TCF7L2: variants seen among roughly 807,000 people sequenced by gnomAD.
The protein encoded by TCF7L2 is transcription factor 7 like 2.
A neutral mutation model predicts 77.9 loss-of-function variants in TCF7L2; 23 were observed. The ratio of observed to expected loss-of-function variants is 0.30; its 90% confidence interval spans 0.21 to 0.42. The LOEUF is 0.42. Among genes scored for constraint, TCF7L2 ranks in the 10% least tolerant of loss-of-function variants. The probability of loss-of-function intolerance (pLI) is 1.00; values close to 1 mark genes in which losing one functional copy is unlikely to be tolerated. For missense variants in TCF7L2, 654 were observed against 793.1 expected, an observed-to-expected ratio of 0.82 and a Z score of 2.11; for synonymous variants, 413 against 340.2, an observed-to-expected ratio of 1.21 and a Z score of -2.36.
At chr10:113,150,320 CTT>C (rs57919765) in intron 8 of TCF7L2, among the ~76,000 whole-genome samples, 5 of 144,520 alleles carry the variant, frequency 3.5e-5, no homozygotes, top group African/African-American at 5.1e-5. Flanking sequence ...CTTTCCTTTC[CTT>C]TTTTTTTTTG....
At chr10:113,098,071 A>AAGAAG (rs1555051227) in intron 5 of TCF7L2, among the ~76,000 whole-genome samples, 2 of 150,010 alleles carry the variant, frequency 1.3e-5, no homozygotes, top group African/African-American at 4.9e-5. Context: ...AAAAAAAAAA[A>AAGAAG]AAGAAGAAGA....
intron 4 of TCF7L2, among the ~76,000 whole-genome samples, chr10:113,020,365 C>T (rs1317234595): frequency 6.6e-6 from 1 of 152,166 alleles, no homozygotes; most frequent in Non-Finnish European, 1.5e-5. Context: ...TCCCCCTCTC[C>T]TCACCCCGTG....
chr10:113,163,979 C>T (rs746357863), intron 13 of TCF7L2, among the ~76,000 whole-genome samples: 3 of 152,218 alleles, frequency 2.0e-5, no homozygotes, highest in Non-Finnish European at 4.4e-5. Flanking sequence ...CAGTGGTTGC[C>T]TTCAAGCAGG....
chr10:113,026,130 C>T (rs1048581490), intron 4 of TCF7L2, among the ~76,000 whole-genome samples: 4 of 151,782 alleles, frequency 2.6e-5, no homozygotes, highest in East Asian at 2.0e-4. Flanking sequence ...CTAACCACCT[C>T]GGCCTCCAGA....
intron 5 of TCF7L2, chr10:113,133,096 G>A (rs893020694): frequency 2.0e-5 from 3 of 152,194 alleles, no homozygotes; most frequent in African/African-American, 7.2e-5. Flanking sequence ...CAAAATAAAT[G>A]AGAATGAGGG....
chr10:113,015,446 CTTTTTTT>C (rs67005436), intron 4 of TCF7L2, among the ~76,000 whole-genome samples: 1 of 103,236 alleles, frequency 9.7e-6, no homozygotes, highest in African/African-American at 4.6e-5. Flanking sequence ...GCCTGATGAG[CTTTTTTT>C]TTTTTTTTTT....
intron 5 of TCF7L2, among the ~76,000 whole-genome samples, chr10:113,041,063 A>G (rs1032575552): frequency 6.6e-6 from 1 of 152,242 alleles, no homozygotes; most frequent in East Asian, 1.9e-4. Context: ...AAGTTTCTTA[A>G]GTAGAAAAAT....
intron 3 of TCF7L2, among the ~76,000 whole-genome samples, chr10:112,960,955 A>G (rs2034935262): frequency 1.3e-5 from 2 of 152,076 alleles, no homozygotes; most frequent in Admixed American, 1.3e-4. Flanking sequence ...GGCCTCCCAA[A>G]ATGCTGGGAT....
intron 7 of TCF7L2, 53 bp from the exon 8 acceptor site, chr10:113,145,958 T>TGGCCC: frequency 7.4e-6 from 10 of 1,350,208 alleles, no homozygotes; most frequent in East Asian, 4.8e-5. Flanking sequence ...CTTTTTCTTG[T>TGGCCC]CCCCACCCCC....
At chr10:112,951,304 C>T (rs1236205959) in intron 2 of TCF7L2, 31 bp downstream of exon 2, 6 of 1,115,046 alleles carry the variant, frequency 5.4e-6, no homozygotes, top group Non-Finnish European at 5.6e-6. Context: ...CCGCAGCCGC[C>T]CGGAGCCGCC....
At position 113,151,018 on chromosome 10, in the gene TCF7L2, C is replaced by T. The variant is rs1467988397; in HGVS notation, c.896C>T (p.Pro299Leu). The T allele has an allele frequency of 6.2e-7, 1 of 1,614,048 alleles. No individual in the cohort carries two copies. The highest frequency in any genetic ancestry group is 8.5e-7 in the Non-Finnish European group (1 of 1,180,006). The change falls in exon 9 of 14, where the codon CCA (proline) becomes CTA (leucine). Residue 299 changes from proline to leucine, a missense_variant. Around this residue, in one of 6 missense-constraint regions of TCF7L2, gnomAD observed 179 missense variants for 270.6 expected, o/e 0.66. Coordinates refer to ENST00000627217, the MANE Select transcript of TCF7L2 (RefSeq NM_001146274.2). The surrounding 1 kb of genome is among the most constrained non-coding windows in gnomAD (Gnocchi z 5.2). The stretch of plus-strand genomic sequence containing the variant: ...TCTAGGTTCCCTCCCCATATGGTCC[C>T]ACCACATCATACGCTACACACGACG...
intron 4 of TCF7L2, among the ~76,000 whole-genome samples, chr10:112,989,328 C>T (rs900790569): frequency 6.6e-6 from 1 of 151,508 alleles, no homozygotes; most frequent in African/African-American, 2.4e-5. Context: ...TTAGCAACCC[C>T]CCTTTCCTGT....
intron 5 of TCF7L2, among the ~76,000 whole-genome samples, chr10:113,073,129 T>TGTGTGTGTGTGTGTGTGA (rs56927661): frequency 9.8e-4 from 121 of 123,574 alleles, no homozygotes; most frequent in African/African-American, 2.3e-3. Context: ...TGTGTGTGTG[T>TGTGTGTGTGTGTGTGTGA]GAGAGAGAGA....
chr10:113,135,300 C>T (rs565176292), intron 5 of TCF7L2, among the ~76,000 whole-genome samples: 26 of 152,150 alleles, frequency 1.7e-4, no homozygotes, highest in Non-Finnish European at 2.5e-4. Flanking sequence ...CCTCCCCATT[C>T]CCCCCCACTG....
intron 5 of TCF7L2, among the ~76,000 whole-genome samples, chr10:113,063,123 G>T (rs2056737752): frequency 6.6e-6 from 1 of 152,098 alleles, no homozygotes; most frequent in Admixed American, 6.6e-5. Flanking sequence ...GTTATACCGT[G>T]CCTGTAATCT....
At chr10:113,023,021 T>C (rs2048497343) in intron 4 of TCF7L2, among the ~76,000 whole-genome samples, 1 of 152,168 alleles carries the variant, frequency 6.6e-6, no homozygotes, top group South Asian at 2.1e-4. Context: ...GTAGGTCCAA[T>C]TAGTGGAGTG....
chr10:113,099,023 A>G (rs2061351525), intron 5 of TCF7L2, among the ~76,000 whole-genome samples: 1 of 152,176 alleles, frequency 6.6e-6, no homozygotes, highest in South Asian at 2.1e-4. Context: ...TCTCCAGTGA[A>G]AGAGATGTAA....
intron 5 of TCF7L2, among the ~76,000 whole-genome samples, chr10:113,079,750 C>T (rs561601477): frequency 9.9e-5 from 15 of 152,060 alleles, no homozygotes; most frequent in Admixed American, 4.6e-4. Flanking sequence ...CTCTGCCTCT[C>T]GGGTACAAGC....
chr10:113,149,678 G>T (rs961592678), intron 8 of TCF7L2, among the ~76,000 whole-genome samples: 10 of 145,118 alleles, frequency 6.9e-5, no homozygotes, highest in Non-Finnish European at 1.3e-4. Flanking sequence ...TCCTCATTAG[G>T]CCCTCTAGTT....
Sources: allele counts gnomAD v4.1 joint callset (sites outside exome capture counted in the v4.1 genomes callset), GRCh38; gene constraint gnomAD v4.1.1; regional missense constraint gnomAD v4.1.1; non-coding constraint Gnocchi (gnomAD v3.1); transcripts MANE v1.5; gene names NCBI Gene and HGNC (gene_info 2026-07-23, HGNC 2026-07-21).